The following IPO7 variants were observed in gnomAD, a reference collection of about 807,000 sequenced individuals.
IPO7 encodes importin 7, also known as importin-7.
In IPO7, 13 loss-of-function variants were observed where a neutral mutation model predicts 136.4. That is an observed-to-expected ratio of 0.10 (90% CI 0.06 to 0.15). IPO7 has a LOEUF of 0.15. Among genes scored for constraint, IPO7 ranks in the 10% least tolerant of loss-of-function variants. The pLI is 1.00. For missense variants in IPO7, 857 were observed against 1,240.6 expected, an observed-to-expected ratio of 0.69 and a Z score of 4.65; for synonymous variants, 403 against 404.4, an observed-to-expected ratio of 1.00 and a Z score of 0.04.
At chr11:9,392,914 A>G (rs140367791) in intron 1 of IPO7, among the ~76,000 whole-genome samples, 1,747 of 146,464 alleles carry the variant, frequency 0.012, 12 homozygotes, top group Middle Eastern at 0.029. Flanking sequence ...GCTCCACTGC[A>G]CTCTAGCCTG....
At position 9,395,785 on chromosome 11, in the gene IPO7, C is replaced by T. The variant is rs1382196071; in HGVS notation, c.85-7505C>T. Among the ~76,000 whole-genome samples, 4 of 152,072 alleles carry T rather than the reference C, an allele frequency of 2.6e-5. No homozygotes were observed. The East Asian group carries it at 5.8e-4, about 22-fold the overall frequency. On this transcript the variant is annotated intron_variant, in intron 1 of 24. Transcript: ENST00000379719. ...AGGCTGAAGTGCAATGGCGCAATCT[C>T]GGCTCACTGCAACCTCTGCCTCCCA...
At chr11:9,444,560 A>G (rs1855502062) in intron 24 of IPO7, among the ~76,000 whole-genome samples, 1 of 151,544 alleles carries the variant, frequency 6.6e-6, no homozygotes, top group Admixed American at 6.6e-5. Flanking sequence ...ACGAGGTTTC[A>G]CTATGTTGGC....
intron 10 of IPO7, among the ~76,000 whole-genome samples, chr11:9,424,363 G>C (rs898807963): frequency 6.6e-6 from 1 of 152,148 alleles, no homozygotes; most frequent in Non-Finnish European, 1.5e-5. Flanking sequence ...CACATCAGTA[G>C]TGTTTCATAC....
At chr11:9,425,995 G>A (rs368535634) in intron 12 of IPO7, among the ~76,000 whole-genome samples, 4 of 151,960 alleles carry the variant, frequency 2.6e-5, no homozygotes, top group South Asian at 4.2e-4. Context: ...GCAGTGAGCC[G>A]AGGTCATGCC....
At chr11:9,412,471 A>G (rs573159303) in intron 4 of IPO7, among the ~76,000 whole-genome samples, 5 of 152,362 alleles carry the variant, frequency 3.3e-5, no homozygotes, top group South Asian at 4.1e-4. Context: ...AATGATTTCT[A>G]TAATCAGTAA....
Position 9,436,308 on chromosome 11 carries a change from A to T in IPO7, c.2210A>T (p.His737Leu), listed in dbSNP as rs1855367768. Residue 737 changes from histidine (H) to leucine (L), a missense_variant, in exon 20 of 25, where the codon CAT becomes CTT. His to Leu is a moderately conservative substitution (Grantham distance 99). Transcript: ENST00000379719. ...GTTGCAGGAGAAGATGCAGAGTGTC[A>T]TGCAGCAAAATTGTTAGAGGTCATC... is the stretch of plus-strand genomic sequence containing the variant. ...TGVAGEDAEC[H>L]AAKLLEVIIL... The T allele has an allele frequency of 6.2e-7, 1 of 1,614,038 alleles. No homozygotes were observed. The highest frequency in any genetic ancestry group is 8.5e-7 in the Non-Finnish European group (1 of 1,179,890).
rs1262017579 is a variant in IPO7, at chr11:9,384,852, G to A, written c.84+5G>A. 1 of 1,591,480 alleles carries A rather than the reference G, an allele frequency of 6.3e-7. No homozygotes were observed. The highest frequency in any genetic ancestry group is 1.7e-5 in the Admixed American group (1 of 57,764). On this transcript the variant is annotated splice_donor_5th_base_variant and intron_variant, in intron 1 of 24. Transcript: ENST00000379719. ...GCGGAGCGCCAGCTCAATGAAGTAA[G>A]GACGCCCGGCTAGCGGTGGCGGCGG...
intron 4 of IPO7, among the ~76,000 whole-genome samples, chr11:9,411,368 A>G (rs760960713): frequency 1.3e-5 from 2 of 152,222 alleles, no homozygotes; most frequent in Non-Finnish European, 2.9e-5. Context: ...AGGAGCATAG[A>G]TCCTCAGGAA....
intron 8 of IPO7, among the ~76,000 whole-genome samples, chr11:9,421,737 G>A (rs2133749047): frequency 6.6e-6 from 1 of 151,564 alleles, no homozygotes; most frequent in South Asian, 2.1e-4. Flanking sequence ...GAGGTCAGGA[G>A]ATCAAGACCA....
At chr11:9,431,623 T>C (rs1855295338) in intron 16 of IPO7, among the ~76,000 whole-genome samples, 1 of 152,124 alleles carries the variant, frequency 6.6e-6, no homozygotes, top group Non-Finnish European at 1.5e-5. Context: ...TTGGTTATAG[T>C]TTTCTTATTA....
intron 1 of IPO7, among the ~76,000 whole-genome samples, chr11:9,397,689 G>A (rs1356575942): frequency 6.6e-6 from 1 of 151,944 alleles, no homozygotes; most frequent in African/African-American, 2.4e-5. Flanking sequence ...CTTTGTGGGC[G>A]ATTTAAGGAA....
At chr11:9,400,665 G>A (rs911282894) in intron 1 of IPO7, among the ~76,000 whole-genome samples, 13 of 151,522 alleles carry the variant, frequency 8.6e-5, no homozygotes, top group African/African-American at 1.2e-4. Flanking sequence ...CTCGTGGTCC[G>A]CCCGCCTCGG....
chr11:9,429,963 T>C (rs1206924248), intron 15 of IPO7, 129 bp downstream of exon 15: 4 of 607,180 alleles, frequency 6.6e-6, no homozygotes, highest in Admixed American at 7.1e-5. Context: ...ATCGGTTTCA[T>C]GGAAGATAAT....
chr11:9,400,198 T>A (rs187551414), intron 1 of IPO7, among the ~76,000 whole-genome samples: 3 of 152,260 alleles, frequency 2.0e-5, no homozygotes, highest in Admixed American at 6.5e-5. Flanking sequence ...TTATTTAAAA[T>A]TTTTTTCCCC....
rs377148636 is a variant in IPO7 at position 9,397,361 on chromosome 11, T to TATATATATATATAA, written c.85-5925_85-5924insATATATATAAATAT. 1.4e-4 allele frequency among the ~76,000 whole-genome samples: 6 copies of TATATATATATATAA among 42,278 alleles called. 1 individual carries two copies. The highest frequency in any genetic ancestry group is 5.7e-4 in the African/African-American group (5 of 8,752). 27.7% of individuals were successfully genotyped at this position (42,278 alleles called of 152,430 possible). ...AAAAAAATATATATATATATATATA[T>TATATATATATATAA]ATATTAGTCGGGCACGGTGGCAGGT... On this transcript the variant is annotated intron_variant, in intron 1 of 24. Coordinates refer to ENST00000379719, the MANE Select transcript of IPO7 (RefSeq NM_006391.3).
intron 2 of IPO7, among the ~76,000 whole-genome samples, chr11:9,404,101 C>T (rs1835242768): frequency 6.6e-6 from 1 of 152,142 alleles, no homozygotes; most frequent in Admixed American, 6.5e-5. Flanking sequence ...ATAATTTCAT[C>T]ATTCTAGAAA....
intron 1 of IPO7, among the ~76,000 whole-genome samples, chr11:9,386,121 A>G (rs1215911993): frequency 2.0e-5 from 3 of 152,258 alleles, no homozygotes; most frequent in African/African-American, 4.8e-5. Flanking sequence ...GGGCTGCACT[A>G]GAGATCCCTG....
At chr11:9,429,531 T>G in intron 14 of IPO7, 143 bp from the exon 15 acceptor site, 3 of 486,416 alleles carry the variant, frequency 6.2e-6, no homozygotes, top group Non-Finnish European at 1.0e-5. Flanking sequence ...ATATATTAAT[T>G]GTAAAAAGCC....
chr11:9,405,162 A>G (rs913914819), intron 2 of IPO7, among the ~76,000 whole-genome samples: 3 of 151,926 alleles, frequency 2.0e-5, no homozygotes, highest in Non-Finnish European at 4.4e-5. Context: ...AGAATTCAGT[A>G]GCTCCATCTT....
Sources: gnomAD v4.1 joint callset for allele counts (sites outside exome capture counted in the v4.1 genomes callset) on GRCh38, gnomAD v4.1.1 for gene constraint, MANE v1.5 for transcripts, NCBI Gene and HGNC (gene_info 2026-07-23, HGNC 2026-07-21) for gene names.